The following LDLRAP1 variants were observed in gnomAD, a reference collection of about 807,000 sequenced individuals.
LDLRAP1 encodes low density lipoprotein receptor adapter protein 1.
In LDLRAP1, 30 loss-of-function variants were observed where a neutral mutation model predicts 37.8. The ratio of observed to expected loss-of-function variants is 0.79; its 90% CI spans 0.59 to 1.08. The LOEUF (loss-of-function observed/expected upper bound fraction) is 1.08, where lower values mean the gene tolerates loss of function less well. Among genes scored for constraint, LDLRAP1 ranks in the 50% least tolerant of loss-of-function variants. The pLI is 0.00. For synonymous variants in LDLRAP1, 156 were observed against 169.8 expected (o/e 0.92, Z 0.63); for missense variants, 375 against 401.6 (o/e 0.93, Z 0.57).
rs1423177011 is a variant in LDLRAP1 at position 25,549,716 on chromosome 1, C to A, written c.89-4206C>A. 2.6e-5 allele frequency among the ~76,000 whole-genome samples: 4 copies of A among 151,964 alleles called. No individual in the cohort carries two copies. The East Asian group carries it at 5.8e-4, about 22-fold the overall frequency. The stretch of plus-strand genomic sequence containing the variant: ...TCCTGAAGCCGTGGGCTCCTCCCGG[C>A]AATAAGGCCTCCGGCTGTGGCTGGC... On this transcript the variant is annotated intron_variant, in intron 1 of 8. Transcript: ENST00000374338.
chr1:25,575,386 G>A, the LDLRAP1 span, among the ~76,000 whole-genome samples: 2 of 136,330 alleles, frequency 1.5e-5, no homozygotes, highest in Non-Finnish European at 3.1e-5. Flanking sequence ...GGAAATTTGA[G>A]ACCAGCATGA....
At chr1:25,587,781 G>A in the LDLRAP1 span, among the ~76,000 whole-genome samples, 1 of 152,174 alleles carries the variant, frequency 6.6e-6, no homozygotes, top group African/African-American at 2.4e-5. Flanking sequence ...TCTGGGTGCA[G>A]TCACAGCTGG....
rs111972273 is a variant in LDLRAP1 at position 25,565,027 on chromosome 1, A to G, written c.748-146A>G. ...GATGCTGGCGATGCACCCAGGCAGG[A>G]GGCCTGCCTGAGGCCGTGCCTCCAG... On this transcript the variant is annotated intron_variant, in intron 7 of 8. Transcript: ENST00000374338. The G allele has an allele frequency of 3.7e-6, 3 of 805,204 alleles. No individual in the cohort carries two copies. The Admixed American group carries it at 5.5e-5, about 15-fold the overall frequency. 49.9% of individuals were successfully genotyped at this position (805,204 alleles called of 1,614,324 possible).
At chr1:25,570,732 G>A (rs1474288721), downstream of LDLRAP1, among the ~76,000 whole-genome samples, 3 of 152,164 alleles carry the variant, frequency 2.0e-5, no homozygotes, top group Middle Eastern at 3.4e-3. Flanking sequence ...GGTGGCGGGC[G>A]CCTGTAGTCC....
intron 1 of LDLRAP1, chr1:25,553,285 A>G (rs2044118529): frequency 6.5e-6 from 1 of 153,964 alleles, no homozygotes; most frequent in Non-Finnish European, 1.4e-5. Context: ...GGATTCAGTA[A>G]GAAATGGTAT....
the LDLRAP1 span, among the ~76,000 whole-genome samples, chr1:25,586,585 CGT>C: frequency 7.0e-4 from 103 of 147,086 alleles, no homozygotes; most frequent in African/African-American, 2.2e-3. This position sits in a 1 kb window ranked among gnomAD's most constrained non-coding sequence, Gnocchi z 4.3. Context: ...CGTGTGCGCG[CGT>C]GTGTGTGTGT....
At chr1:25,589,244 C>T in the LDLRAP1 span, among the ~76,000 whole-genome samples, 4 of 151,490 alleles carry the variant, frequency 2.6e-5, no homozygotes, top group African/African-American at 7.3e-5. Context: ...GTGGAGGTTG[C>T]AGTGGGCCGA....
chr1:25,549,159 G>A (rs72873714), intron 1 of LDLRAP1, among the ~76,000 whole-genome samples: 31,176 of 152,148 alleles, frequency 0.2, 7,593 homozygotes, highest in African/African-American at 0.59. Context: ...TACTTTTCAC[G>A]TCCAGAAACT....
At chr1:25,564,986 T>C (rs2044438342) in intron 7 of LDLRAP1, 187 bp from the exon 8 acceptor site, 1 of 655,144 alleles carries the variant, frequency 1.5e-6, no homozygotes. Context: ...TCTCCAGCTT[T>C]GGGTCCTTGG....
the LDLRAP1 span, among the ~76,000 whole-genome samples, chr1:25,582,940 C>T: frequency 2.0e-5 from 3 of 151,742 alleles, no homozygotes; most frequent in South Asian, 2.1e-4. Flanking sequence ...GGCGTGGTGA[C>T]GCAGGCCTGT....
rs2044556700 is a variant in LDLRAP1, at chr1:25,568,882, C to T, written c.*1890C>T. On this transcript the variant is annotated 3_prime_UTR_variant, in exon 9 of 9. Coordinates refer to ENST00000374338, the MANE Select transcript of LDLRAP1 (RefSeq NM_015627.3). ...AATAATAAATGTTCTCGTTTTGAAA[C>T]TCAAGCAACGCTCATCAGGTGGAGT... 1 of 152,248 alleles carries T rather than the reference C, an allele frequency of 6.6e-6. No homozygotes were observed. Among genetic ancestry groups the T allele is most frequent in the Non-Finnish European group, 1.5e-5 (1 of 68,052 alleles). 9.4% of individuals were successfully genotyped at this position (152,248 alleles called of 1,614,324 possible).
chr1:25,554,583 TC>T lies in LDLRAP1; in HGVS notation c.232-275del, dbSNP rs1389043259. On this transcript the variant is annotated intron_variant, in intron 2 of 8. Coordinates refer to ENST00000374338, the MANE Select transcript of LDLRAP1 (RefSeq NM_015627.3). The surrounding 1 kb of genome is among the most constrained non-coding windows in gnomAD (Gnocchi z 5.4). ...GTCTGCAGGCCCTTCTAGCTGTGTG[TC>T]CTTGGGTAAGTCCCTTAGCCTCTCT... Among the ~76,000 whole-genome samples, 1 of 152,240 alleles carries T rather than the reference TC, an allele frequency of 6.6e-6. No homozygotes were observed. Among genetic ancestry groups the T allele is most frequent in the East Asian group, 1.9e-4 (1 of 5,206 alleles).
chr1:25,582,929 A>G, the LDLRAP1 span, among the ~76,000 whole-genome samples: 111 of 151,352 alleles, frequency 7.3e-4, no homozygotes, highest in African/African-American at 2.7e-3. Flanking sequence ...AAAATTAGCT[A>G]GGCGTGGTGA....
At chr1:25,572,009 CG>C (rs2044611250), downstream of LDLRAP1, among the ~76,000 whole-genome samples, 1 of 152,112 alleles carries the variant, frequency 6.6e-6, no homozygotes, top group Non-Finnish European at 1.5e-5. Context: ...AGTAGGCCAG[CG>C]GGACATTGGA....
Position 25,563,674 on chromosome 1 carries a change from G to C in LDLRAP1, c.630G>C (p.Gly210=). ...TPSLKSLVAT[G]NLLDLEETAK... is the part of the protein sequence containing the mutation. Reference sequence around the variant, plus strand: ...GATCCCTCACAGTGGTCGCCACTGGGAACCTGCTGGACTTAGAGGAGACAG... The same window carrying C: ...GATCCCTCACAGTGGTCGCCACTGGCAACCTGCTGGACTTAGAGGAGACAG... The change falls in exon 7 of 9, where the codon GGG becomes GGC. Residue 210 remains glycine (G), a synonymous_variant. Transcript: ENST00000374338. 1 of 1,613,706 alleles carries C rather than the reference G, an allele frequency of 6.2e-7. No individual in the cohort carries two copies. The highest frequency in any genetic ancestry group is 8.5e-7 in the Non-Finnish European group (1 of 1,180,022).
chr1:25,559,327 G>T (rs1035114025), intron 4 of LDLRAP1, among the ~76,000 whole-genome samples: 1 of 152,138 alleles, frequency 6.6e-6, no homozygotes. Context: ...TGAGGGGTCT[G>T]GGAGTAAGAG....
At chr1:25,562,550 G>A in intron 4 of LDLRAP1, 94 bp from the exon 5 acceptor site, 1 of 1,037,310 alleles carries the variant, frequency 9.6e-7, no homozygotes, top group Non-Finnish European at 1.5e-6. Flanking sequence ...GAGGGAGCCA[G>A]GGGGCCTGGC....
intron 8 of LDLRAP1, among the ~76,000 whole-genome samples, chr1:25,566,494 G>C (rs1007415754): frequency 6.6e-6 from 1 of 152,092 alleles, no homozygotes; most frequent in Non-Finnish European, 1.5e-5. Flanking sequence ...TATAGCCAAA[G>C]AATCTTCCGT....
downstream of LDLRAP1, among the ~76,000 whole-genome samples, chr1:25,573,698 A>C (rs2044635191): frequency 6.6e-6 from 1 of 152,178 alleles, no homozygotes; most frequent in African/African-American, 2.4e-5. Context: ...GGCTTTGCAC[A>C]CGTTACGTAA....
Sources: allele counts gnomAD v4.1 joint callset (sites outside exome capture counted in the v4.1 genomes callset), GRCh38; gene constraint gnomAD v4.1.1; non-coding constraint Gnocchi (gnomAD v3.1); transcripts MANE v1.5; gene names NCBI Gene and HGNC (gene_info 2026-07-23, HGNC 2026-07-21).